Variants in ATAD3C observed in about 807,000 individuals in gnomAD.
ATAD3C encodes ATPase family AAA domain-containing protein 3C.
In ATAD3C, 38 loss-of-function variants were observed where a neutral mutation model predicts 46.3. That is an observed-to-expected ratio of 0.82 (90% CI 0.63 to 1.08). ATAD3C has a LOEUF of 1.08. Ranked by LOEUF, ATAD3C falls within the 50% of genes least tolerant of loss-of-function variation. The probability of loss-of-function intolerance (pLI) is 0.00; values close to 1 mark genes in which losing one functional copy is unlikely to be tolerated. For synonymous variants in ATAD3C, 220 were observed against 236.4 expected, an observed-to-expected ratio of 0.93 and a Z score of 0.63; for missense variants, 563 against 572.7, an observed-to-expected ratio of 0.98 and a Z score of 0.17.
In ATAD3C at chr1:1,450,811, G is replaced by A. The variant is rs540034939; in HGVS notation, c.75+53G>A. ...GCCGGGGCACACATGGGGTTCGGGC[G>A]TGGAGATTGGTAGGGCTACTGCCGG... On this transcript the variant is annotated intron_variant, in intron 1 of 11. Coordinates refer to ENST00000378785, the MANE Select transcript of ATAD3C (RefSeq NM_001039211.3). 7.4e-4 allele frequency: 1,192 copies of A among 1,605,398 alleles called. 13 individuals carry two copies. The African/African-American group carries it at 0.012, about 16-fold the overall frequency.
At chr1:1,451,949 G>T in intron 1 of ATAD3C, 97 bp from the exon 2 acceptor site, 1 of 1,530,938 alleles carries the variant, frequency 6.5e-7, no homozygotes, top group Non-Finnish European at 8.8e-7. Context: ...GGGACGCTTG[G>T]AGCCCTGCGG....
In ATAD3C at chr1:1,452,423, G is replaced by A. The variant is rs754048352; in HGVS notation, c.211G>A (p.Val71Met). Reference sequence around the variant, plus strand: ...TGCCTTTGTGACAGACCGGGACAAAGTGACAGCCACGGTAAACATACTCAT... The same window carrying A: ...TGCCTTTGTGACAGACCGGGACAAAATGACAGCCACGGTAAACATACTCAT... Reference protein sequence around the residue: ...FRAFVTDRDKVTATVAGLTLL... With the variant: ...FRAFVTDRDKMTATVAGLTLL... The change falls in exon 3 of 12, where the codon GTG becomes ATG. Residue 71 changes from valine (V) to methionine (M), a missense_variant. Physicochemically the swap from Val to Met is conservative, Grantham distance 21 (BLOSUM62 1). Around this residue, in one of 3 missense-constraint regions of ATAD3C, gnomAD observed 263 missense variants for 243.1 expected, o/e 1.08. Transcript: ENST00000378785. 1.9e-6 allele frequency: 3 copies of A among 1,613,578 alleles called. No individual in the cohort carries two copies. The highest frequency in any genetic ancestry group is 4.5e-5 in the East Asian group (2 of 44,900).
intron 2 of ATAD3C, 51 bp from the exon 3 acceptor site, chr1:1,452,314 G>A (rs1277471172): frequency 1.2e-5 from 20 of 1,612,536 alleles, no homozygotes; most frequent in East Asian, 2.2e-5. Flanking sequence ...TTCTTGCTAC[G>A]TGGCGTGGGT....
At chr1:1,452,843 G>A (rs1435503525) in intron 3 of ATAD3C, among the ~76,000 whole-genome samples, 2 of 150,844 alleles carry the variant, frequency 1.3e-5, no homozygotes, top group African/African-American at 4.9e-5. Flanking sequence ...AACAGAAGGC[G>A]ACCCTGACTC....
At position 1,457,230 on chromosome 1, in the gene ATAD3C, T is replaced by C. The variant is rs377588760; in HGVS notation, c.741+50T>C. 3.0e-4 allele frequency: 487 copies of C among 1,611,642 alleles called. 6 individuals carry two copies. In the African/African-American group the frequency reaches 5.7e-3, roughly 19 times the overall value. On this transcript the variant is annotated intron_variant, in intron 8 of 11. Coordinates refer to ENST00000378785, the MANE Select transcript of ATAD3C (RefSeq NM_001039211.3). Reference sequence around the variant, plus strand: ...GGCCACAGGAGGGTGGTGGGGTGTGTGCGGCTGTCATCCTGGGCCAGGCCG... The same window carrying C: ...GGCCACAGGAGGGTGGTGGGGTGTGCGCGGCTGTCATCCTGGGCCAGGCCG...
At chr1:1,461,035 C>T in intron 10 of ATAD3C, 118 bp downstream of exon 10, 1 of 1,315,216 alleles carries the variant, frequency 7.6e-7, no homozygotes. Flanking sequence ...CACCTCCCTG[C>T]CCTGCGGTTT....
At position 1,462,191 on chromosome 1, in the gene ATAD3C, C is replaced by T. The variant is rs763003029; in HGVS notation, c.981-409C>T. 6.6e-6 allele frequency among the ~76,000 whole-genome samples: 1 copy of T among 152,056 alleles called. No homozygotes were observed. Among genetic ancestry groups the T allele is most frequent in the African/African-American group, 2.4e-5 (1 of 41,422 alleles). On this transcript the variant is annotated intron_variant, in intron 10 of 11. Coordinates refer to ENST00000378785, the MANE Select transcript of ATAD3C (RefSeq NM_001039211.3). The surrounding 1 kb of genome is among the most constrained non-coding windows in gnomAD (Gnocchi z 4.5). ...TCCATGCTAGACCAGCTTTCCGGGT[C>T]TCAGTTTCCCTATGCCCTCCCCTTC... is the stretch of plus-strand genomic sequence containing the variant.
intron 9 of ATAD3C, among the ~76,000 whole-genome samples, chr1:1,460,360 C>A (rs1173104617): frequency 2.6e-5 from 4 of 152,046 alleles, no homozygotes; most frequent in Non-Finnish European, 1.5e-5. Flanking sequence ...GGATTATAGG[C>A]GTGAGCCACT....
chr1:1,459,184 G>A lies in ATAD3C; in HGVS notation c.765G>A (p.Arg255=), dbSNP rs1024795738. The stretch of plus-strand genomic sequence containing the variant: ...AGGAGAAGATAAGCGAGGACCTCAG[G>A]GCCACACTGAACGCCTTCCTGTACC... ...RATEKISEDL[R]ATLNAFLYRT... Residue 255 remains arginine, a synonymous_variant, in exon 9 of 12, where the codon AGG becomes AGA. Coordinates refer to ENST00000378785, the MANE Select transcript of ATAD3C (RefSeq NM_001039211.3). This position sits in a 1 kb window ranked among gnomAD's most constrained non-coding sequence, Gnocchi z 4.9. 1.6e-5 allele frequency: 25 copies of A among 1,612,466 alleles called. No individual in the cohort carries two copies. Among genetic ancestry groups the A allele is most frequent in the African/African-American group, 5.3e-5 (4 of 74,772 alleles).
rs1375754761 is a variant in ATAD3C at position 1,449,759 on chromosome 1, A to G, written c.-925A>G. ...CACCGCGCCCGGCCAGAAGATTTTT[A>G]TGGTAAAATTTTGTGATGGGAAAAC... On this transcript the variant is annotated 5_prime_UTR_variant, in exon 1 of 12. An upstream start codon of the reference 5' UTR is lost. Transcript: ENST00000378785. The G allele has an allele frequency of 6.6e-6, 1 of 151,928 alleles. No individual in the cohort carries two copies. Among genetic ancestry groups the G allele is most frequent in the Admixed American group, 6.6e-5 (1 of 15,202 alleles). The allele number at this position is 151,928 out of a possible 1,614,324, so 9.4% of individuals were successfully genotyped here. A position where few individuals can be genotyped will look rare whatever the true frequency, so the allele number is the denominator to read the frequency against.
Position 1,468,009 on chromosome 1 carries a change from G to C in ATAD3C, c.1090-375G>C, listed in dbSNP as rs569695909. Among the ~76,000 whole-genome samples, 131 of 151,942 alleles carry C rather than the reference G, an allele frequency of 8.6e-4. 2 individuals are homozygous for C. The highest frequency in any genetic ancestry group is 3.0e-3 in the African/African-American group (125 of 41,460). ...TGGAGGCCTGTGAGGGTCAGGGTCT[G>C]AGGGTCTGAGGTGCACTATGACCCG... On this transcript the variant is annotated intron_variant, in intron 11 of 11. Transcript: ENST00000378785.
intron 8 of ATAD3C, among the ~76,000 whole-genome samples, chr1:1,458,662 A>T (rs1320816538): frequency 6.6e-6 from 1 of 150,958 alleles, no homozygotes; most frequent in Non-Finnish European, 1.5e-5. Context: ...AGCTAAAGAG[A>T]TGCTCTTGCC....
At chr1:1,456,947 G>C (rs567610755) in intron 7 of ATAD3C, among the ~76,000 whole-genome samples, 182 bp from the exon 8 acceptor site, 3 of 152,120 alleles carry the variant, frequency 2.0e-5, no homozygotes, top group Admixed American at 2.0e-4. Flanking sequence ...TGAAGCCTGC[G>C]GGGCAGAGTC....
rs569808387 is a variant in ATAD3C, at chr1:1,453,010, C to T, written c.222+576C>T. On this transcript the variant is annotated intron_variant, in intron 3 of 11. Transcript: ENST00000378785. ...ATGGCTGTGTCCTCCGTCCCCCCAC[C>T]CCGCCCAGCACACAGTAGGTCCCCG... is the stretch of plus-strand genomic sequence containing the variant. Among the ~76,000 whole-genome samples, 8 of 152,112 alleles carry T rather than the reference C, an allele frequency of 5.3e-5. No individual in the cohort carries two copies. In the South Asian group the frequency reaches 1.0e-3, roughly 20 times the overall value.
At chr1:1,455,378 G>C (rs548165297) in intron 4 of ATAD3C, 82 bp from the exon 5 acceptor site, 1 of 1,554,304 alleles carries the variant, frequency 6.4e-7, no homozygotes, top group Admixed American at 1.9e-5. Flanking sequence ...CCGTTTCTGC[G>C]TGTTACCGAG....
chr1:1,449,693 A>C lies in ATAD3C; in HGVS notation c.-991A>C, dbSNP rs919854639. 6.6e-6 allele frequency: 1 copy of C among 151,876 alleles called. No homozygotes were observed. The highest frequency in any genetic ancestry group is 1.5e-5 in the Non-Finnish European group (1 of 67,934). 9.4% of individuals were successfully genotyped at this position (151,876 alleles called of 1,614,324 possible). A position where few individuals can be genotyped will look rare whatever the true frequency, so the allele number is the denominator to read the frequency against. On this transcript the variant is annotated 5_prime_UTR_variant, in exon 1 of 12. An upstream start codon of the reference 5' UTR is lost. Transcript: ENST00000378785. The stretch of plus-strand genomic sequence containing the variant: ...GGGCATGGATTCTTTAATCCCCTTC[A>C]TGATTAACTCCCCAAGGTCCTGCAT...
intron 8 of ATAD3C, among the ~76,000 whole-genome samples, chr1:1,457,526 G>A (rs959250011): frequency 5.4e-5 from 8 of 147,602 alleles, no homozygotes; most frequent in African/African-American, 1.5e-4. Context: ...AACCCGGGAG[G>A]CGAAGCTTGC....
chr1:1,460,328 G>A (rs975267184), intron 9 of ATAD3C, among the ~76,000 whole-genome samples: 7 of 152,040 alleles, frequency 4.6e-5, no homozygotes, highest in South Asian at 2.1e-4. Flanking sequence ...TGACCCACCC[G>A]CCTCGGCCTC....
At chr1:1,465,899 T>A (rs1447079855) in intron 11 of ATAD3C, among the ~76,000 whole-genome samples, 1 of 151,836 alleles carries the variant, frequency 6.6e-6, no homozygotes, top group Non-Finnish European at 1.5e-5. Context: ...AAGCTGCCAG[T>A]TTTTCACCAC....
Sources: gnomAD v4.1 joint callset for allele counts (sites outside exome capture counted in the v4.1 genomes callset) on GRCh38, gnomAD v4.1.1 for gene constraint, gnomAD v4.1.1 regional missense constraint, Gnocchi (gnomAD v3.1) non-coding constraint, MANE v1.5 for transcripts, NCBI Gene and HGNC (gene_info 2026-07-23, HGNC 2026-07-21) for gene names.